The following ENPP6 variants were observed in gnomAD, a reference collection of about 807,000 sequenced individuals.
ENPP6 encodes ectonucleotide pyrophosphatase/phosphodiesterase 6.
ENPP6 carries 32 observed loss-of-function variants against 42.0 expected under a neutral mutation model. That is an observed-to-expected ratio of 0.76 (90% CI 0.58 to 1.02). ENPP6 has a LOEUF of 1.02. Among genes scored for constraint, ENPP6 ranks in the 50% least tolerant of loss-of-function variants. The pLI, the probability that ENPP6 is intolerant of heterozygous loss-of-function variation, is 0.00. For missense variants in ENPP6, 552 were observed against 566.8 expected, an observed-to-expected ratio of 0.97 and a Z score of 0.27; for synonymous variants, 213 against 216.0, an observed-to-expected ratio of 0.99 and a Z score of 0.12.
intron 6 of ENPP6, among the ~76,000 whole-genome samples, chr4:184,103,897 C>T (rs1215851743): frequency 5.9e-5 from 9 of 152,168 alleles, no homozygotes; most frequent in South Asian, 2.1e-4. Context: ...GCTTGATCCT[C>T]GAAATGGAAA....
chr4:184,126,179 G>A (rs971242055), intron 2 of ENPP6, among the ~76,000 whole-genome samples: 8 of 152,118 alleles, frequency 5.3e-5, no homozygotes, highest in Admixed American at 2.6e-4. Flanking sequence ...TTTTTGGTAC[G>A]AGCAACAATA....
Position 184,109,234 on chromosome 4 carries a change from A to C in ENPP6, c.993+3438T>G, listed in dbSNP as rs1304074782. Among the ~76,000 whole-genome samples, 8 of 107,692 alleles carry C rather than the reference A, an allele frequency of 7.4e-5. No homozygotes were observed. In the South Asian group the frequency reaches 1.8e-3, roughly 25 times the overall value. 70.7% of individuals were successfully genotyped at this position (107,692 alleles called of 152,430 possible). A position where few individuals can be genotyped will look rare whatever the true frequency, so the allele number is the denominator to read the frequency against. ...TCAAAAACAAAACAACAACAACAACAAAAAAAAACAAAACAAACAAACAAA... is the reference window on the plus strand; with the variant it reads ...TCAAAAACAAAACAACAACAACAACCAAAAAAAACAAAACAAACAAACAAA... On this transcript the variant is annotated intron_variant, in intron 6 of 7. Transcript: ENST00000296741.
At chr4:184,149,213 C>T (rs1736980911) in intron 2 of ENPP6, among the ~76,000 whole-genome samples, 1 of 152,208 alleles carries the variant, frequency 6.6e-6, no homozygotes, top group Admixed American at 6.5e-5. Flanking sequence ...GGTTTACTCA[C>T]GCCTCTGTAT....
At chr4:184,092,847 AT>A (rs1393028512) in intron 7 of ENPP6, among the ~76,000 whole-genome samples, 1 of 152,234 alleles carries the variant, frequency 6.6e-6, no homozygotes, top group Non-Finnish European at 1.5e-5. Context: ...AATCTTTGTA[AT>A]TGCTTTGCTA....
intron 1 of ENPP6, among the ~76,000 whole-genome samples, chr4:184,161,709 G>C (rs1737260230): frequency 6.6e-6 from 1 of 152,166 alleles, no homozygotes; most frequent in African/African-American, 2.4e-5. Context: ...CCGTGAAAAG[G>C]AATGAAATAA....
At chr4:184,205,990 C>T (rs1732989559) in intron 1 of ENPP6, among the ~76,000 whole-genome samples, 1 of 152,072 alleles carries the variant, frequency 6.6e-6, no homozygotes, top group African/African-American at 2.4e-5. Context: ...CCAGGACGCC[C>T]GGGAGGACAC....
In ENPP6 at chr4:184,217,661, A is replaced by G. The variant is rs1161115519; in HGVS notation, c.159T>C (p.Ile53=). The change falls in exon 1 of 8, where the codon ATT becomes ATC. Residue 53 remains isoleucine, a synonymous_variant. Coordinates refer to ENST00000296741, the MANE Select transcript of ENPP6 (RefSeq NM_153343.4). ...AATCCACTTTTACTCCCCTGCTCAC[A>G]ATCTCTTTGAAACCAGGCAATGACT... is the stretch of plus-strand genomic sequence containing the variant. The part of the protein sequence containing the change: ...ALESLPGFKE[I]VSRGVKVDYL... 2.5e-6 allele frequency: 4 copies of G among 1,614,198 alleles called. No homozygotes were observed. In the African/African-American group the frequency reaches 4.0e-5, roughly 16 times the overall value.
intron 1 of ENPP6, among the ~76,000 whole-genome samples, chr4:184,210,678 C>T (rs1448310008): frequency 2.1e-5 from 3 of 142,000 alleles, no homozygotes; most frequent in Non-Finnish European, 4.6e-5. Flanking sequence ...GACAGATCAA[C>T]GAGACAGAAA....
intron 1 of ENPP6, among the ~76,000 whole-genome samples, chr4:184,203,330 A>C (rs1019192907): frequency 6.6e-6 from 1 of 151,454 alleles, no homozygotes; most frequent in African/African-American, 2.5e-5. Context: ...AGAATAGATT[A>C]AGTTTGATCT....
intron 1 of ENPP6, among the ~76,000 whole-genome samples, chr4:184,176,051 A>G (rs998408051): frequency 5.3e-5 from 8 of 152,122 alleles, no homozygotes; most frequent in African/African-American, 1.9e-4. Context: ...AGCCTCCCCA[A>G]AATGCTGGGA....
chr4:184,113,457 G>A (rs1298066828), intron 5 of ENPP6, among the ~76,000 whole-genome samples: 4 of 152,134 alleles, frequency 2.6e-5, no homozygotes, highest in African/African-American at 4.8e-5. Flanking sequence ...CCCAGGTAAC[G>A]GTAATGTCCT....
At chr4:184,200,647 C>G (rs1018016198) in intron 1 of ENPP6, among the ~76,000 whole-genome samples, 2 of 152,226 alleles carry the variant, frequency 1.3e-5, no homozygotes, top group Admixed American at 1.3e-4. Context: ...CTGTGGCAGT[C>G]AGGAGAAGCC....
chr4:184,118,844 T>C (rs1736368014), intron 3 of ENPP6, among the ~76,000 whole-genome samples: 1 of 152,222 alleles, frequency 6.6e-6, no homozygotes, highest in African/African-American at 2.4e-5. Context: ...GGAACCATTC[T>C]AGAAGGACAT....
At chr4:184,190,181 C>G (rs560306059) in intron 1 of ENPP6, among the ~76,000 whole-genome samples, 1 of 152,322 alleles carries the variant, frequency 6.6e-6, no homozygotes, top group South Asian at 2.1e-4. Context: ...AACCTAATAT[C>G]TCTTGGGTAA....
rs1196108753 is a variant in ENPP6, at chr4:184,184,652, C to T, written c.242-30919G>A. ...GGTCGTCCTGGGTGATCCAATGGTC[C>T]TGCATCCAATGGCAAGAGGTCTTAT... On this transcript the variant is annotated intron_variant, in intron 1 of 7. Transcript: ENST00000296741. This position sits in a 1 kb window ranked among gnomAD's most constrained non-coding sequence, Gnocchi z 4.7. 6.6e-6 allele frequency among the ~76,000 whole-genome samples: 1 copy of T among 152,080 alleles called. No individual in the cohort carries two copies. The highest frequency in any genetic ancestry group is 1.5e-5 in the Non-Finnish European group (1 of 68,026).
At chr4:184,106,433 CA>C (rs796313583) in intron 6 of ENPP6, among the ~76,000 whole-genome samples, 72 of 152,324 alleles carry the variant, frequency 4.7e-4, no homozygotes, top group African/African-American at 1.6e-3. Context: ...TCCCCTCTCC[CA>C]GCTCCCCACA....
chr4:184,097,407 G>C, intron 6 of ENPP6, 39 bp from the exon 7 acceptor site: 4 of 1,610,558 alleles, frequency 2.5e-6, no homozygotes, highest in African/African-American at 1.3e-5. Flanking sequence ...ACTACGTCCT[G>C]ACCGTGGCGC....
intron 2 of ENPP6, among the ~76,000 whole-genome samples, chr4:184,147,734 G>A (rs760573628): frequency 5.3e-5 from 8 of 151,236 alleles, no homozygotes; most frequent in African/African-American, 9.7e-5. Flanking sequence ...CCAGGAGGTC[G>A]AGGCTGCAGT....
At chr4:184,189,854 C>T (rs1266735559) in intron 1 of ENPP6, among the ~76,000 whole-genome samples, 1 of 152,102 alleles carries the variant, frequency 6.6e-6, no homozygotes, top group South Asian at 2.1e-4. Context: ...TGGAGAGGAG[C>T]GAGCCAGCCA....
Sources: allele counts gnomAD v4.1 joint callset (sites outside exome capture counted in the v4.1 genomes callset), GRCh38; gene constraint gnomAD v4.1.1; non-coding constraint Gnocchi (gnomAD v3.1); transcripts MANE v1.5; gene names NCBI Gene and HGNC (gene_info 2026-07-23, HGNC 2026-07-21).